The following TRIM37 variants were observed in gnomAD, a reference collection of about 807,000 sequenced individuals.
TRIM37 encodes the protein tripartite motif containing 37, also known as E3 ubiquitin-protein ligase TRIM37.
In TRIM37, 80 loss-of-function variants were observed where a neutral mutation model predicts 129.8. The ratio of observed to expected loss-of-function variants is 0.62; its 90% confidence interval spans 0.51 to 0.74. The LOEUF is 0.74. Ranked by LOEUF, TRIM37 falls within the 30% of genes least tolerant of loss-of-function variation. TRIM37 has a pLI of 0.00. For missense variants in TRIM37, 1,054 were observed against 1,176.5 expected, an observed-to-expected ratio of 0.90 and a Z score of 1.52; for synonymous variants, 389 against 387.1, an observed-to-expected ratio of 1.00 and a Z score of -0.06.
chr17:59,038,519 G>A (rs2038802986), intron 17 of TRIM37, among the ~76,000 whole-genome samples: 2 of 152,064 alleles, frequency 1.3e-5, no homozygotes, highest in African/African-American at 2.4e-5. Context: ...ATAAGAACAG[G>A]GATATCTTGT....
rs2040440673 is a variant in TRIM37, at chr17:59,052,515, C to CAG, written c.1200-1188_1200-1187insCT. Reference sequence around the variant, plus strand: ...AGATATCTAGTTTTAGTGAAGAATACTAATGCAAGAAAGGACAGAACATAA... The same window carrying CAG: ...AGATATCTAGTTTTAGTGAAGAATACAGTAATGCAAGAAAGGACAGAACATAA... On this transcript the variant is annotated intron_variant, in intron 13 of 23. Coordinates refer to ENST00000262294, the MANE Select transcript of TRIM37 (RefSeq NM_015294.6). 2.0e-5 allele frequency among the ~76,000 whole-genome samples: 3 copies of CAG among 152,212 alleles called. No homozygotes were observed. In the South Asian group the frequency reaches 6.2e-4, roughly 32 times the overall value.
intron 17 of TRIM37, among the ~76,000 whole-genome samples, chr17:59,033,496 G>A (rs545905061): frequency 1.3e-5 from 2 of 151,996 alleles, no homozygotes; most frequent in African/African-American, 4.8e-5. Flanking sequence ...GCAGCGGCCC[G>A]ATCTCCACTC....
chr17:59,025,750 C>A (rs1226407271), intron 19 of TRIM37, among the ~76,000 whole-genome samples: 1 of 152,146 alleles, frequency 6.6e-6, no homozygotes, highest in African/African-American at 2.4e-5. Flanking sequence ...CAAGCCTGTG[C>A]TGTTCAAGGG....
At chr17:59,020,139 G>C (rs185114756) in intron 19 of TRIM37, among the ~76,000 whole-genome samples, 1 of 145,232 alleles carries the variant, frequency 6.9e-6, no homozygotes, top group Non-Finnish European at 1.5e-5. Context: ...GCTGAGGTAG[G>C]AGAAGTGCTT....
chr17:59,027,959 A>G (rs551796052), intron 19 of TRIM37, among the ~76,000 whole-genome samples: 1 of 152,242 alleles, frequency 6.6e-6, no homozygotes, highest in Admixed American at 6.5e-5. Context: ...CTAGATCTAT[A>G]AATAGCTGCC....
chr17:58,980,392 T>G (rs1336321142), downstream of TRIM37: 1 of 1,614,020 alleles, frequency 6.2e-7, no homozygotes, highest in East Asian at 2.2e-5. This position sits in a 1 kb window ranked among gnomAD's most constrained non-coding sequence, Gnocchi z 4.7. Context: ...TAGGCTATGA[T>G]GGGCGTGTGG....
rs867376341 is a variant in TRIM37, at chr17:59,101,677, A to T, written c.123+2616T>A. Reference sequence around the variant, plus strand: ...CTACAAAAAAAAAAAAAAAAAAAAAAATATATATATATATATATACACACA... The same window carrying T: ...CTACAAAAAAAAAAAAAAAAAAAAATATATATATATATATATATACACACA... On this transcript the variant is annotated intron_variant, in intron 2 of 23. Transcript: ENST00000262294. Among the ~76,000 whole-genome samples, 501 of 100,748 alleles carry T rather than the reference A, an allele frequency of 5.0e-3. 1 individual carries two copies. The highest frequency in any genetic ancestry group is 0.01 in the South Asian group (32 of 3,068). 66.1% of individuals were successfully genotyped at this position (100,748 alleles called of 152,430 possible). A position where few individuals can be genotyped will look rare whatever the true frequency, so the allele number is the denominator to read the frequency against.
chr17:59,077,873 C>T (rs1164799619), intron 7 of TRIM37, among the ~76,000 whole-genome samples: 2 of 150,266 alleles, frequency 1.3e-5, no homozygotes, highest in Non-Finnish European at 3.0e-5. Context: ...CCTGTTATCC[C>T]AGCACTTCGG....
At position 59,093,398 on chromosome 17, in the gene TRIM37, C is replaced by T. The variant is rs1210779464; in HGVS notation, c.124-2058G>A. Among the ~76,000 whole-genome samples, 5 of 152,218 alleles carry T rather than the reference C, an allele frequency of 3.3e-5. No individual in the cohort carries two copies. The South Asian group carries it at 6.2e-4, about 19-fold the overall frequency. ...AGCAAGGTAATGTCTTTACATGTTT[C>T]CTCTCTCTGCCTAAGATATTCTTCA... On this transcript the variant is annotated intron_variant, in intron 2 of 23. Coordinates refer to ENST00000262294, the MANE Select transcript of TRIM37 (RefSeq NM_015294.6).
intron 8 of TRIM37, among the ~76,000 whole-genome samples, chr17:59,071,573 C>A (rs1226666185): frequency 6.6e-6 from 1 of 152,122 alleles, no homozygotes. Context: ...GCGTGAGCCA[C>A]CGTGCCCGAC....
At chr17:59,100,473 C>T (rs1179330150) in intron 2 of TRIM37, among the ~76,000 whole-genome samples, 5 of 152,112 alleles carry the variant, frequency 3.3e-5, no homozygotes, top group South Asian at 2.1e-4. Flanking sequence ...AAGCCAGATC[C>T]GTAAGAGTAC....
chr17:58,983,605 A>G (rs1458698019), intron 24 of TRIM37: 1 of 152,668 alleles, frequency 6.6e-6, no homozygotes. Flanking sequence ...TGGTGATTGT[A>G]AAAATATTAG....
rs150452198 is a variant in TRIM37 at position 59,041,198 on chromosome 17, T to C, written c.1753+615A>G. 1.8e-3 allele frequency among the ~76,000 whole-genome samples: 280 copies of C among 152,346 alleles called. 3 individuals carry two copies. Among genetic ancestry groups the C allele is most frequent in the African/African-American group, 6.4e-3 (267 of 41,592 alleles). On this transcript the variant is annotated intron_variant, in intron 17 of 23. Coordinates refer to ENST00000262294, the MANE Select transcript of TRIM37 (RefSeq NM_015294.6). ...AGAACACACAAAAAAGTACTCATTA[T>C]ATAAGTCAGTTCTTCCCAGGAGAAG...
intron 19 of TRIM37, among the ~76,000 whole-genome samples, chr17:59,025,421 G>A (rs2037133380): frequency 6.6e-6 from 1 of 151,074 alleles, no homozygotes; most frequent in Admixed American, 6.6e-5. Flanking sequence ...TGTCATGAAT[G>A]TTAATTATAT....
At chr17:59,079,725 G>C (rs889675193) in intron 7 of TRIM37, 29 bp downstream of exon 7, 1 of 1,613,168 alleles carries the variant, frequency 6.2e-7, no homozygotes, top group South Asian at 1.1e-5. Flanking sequence ...AAAGCACCAG[G>C]TACCCCAGCA....
At chr17:59,056,694 C>T (rs1362734767) in intron 13 of TRIM37, among the ~76,000 whole-genome samples, 181 bp downstream of exon 13, 5 of 96,676 alleles carry the variant, frequency 5.2e-5, no homozygotes, top group South Asian at 3.5e-4. Flanking sequence ...CGCGCCAGGG[C>T]GACAGAGCGA....
intron 16 of TRIM37, among the ~76,000 whole-genome samples, chr17:59,045,583 G>A (rs1347537246): frequency 6.7e-6 from 1 of 149,932 alleles, no homozygotes; most frequent in Non-Finnish European, 1.5e-5. Flanking sequence ...AGGTTGCAGT[G>A]AGCCGAGATC....
intron 13 of TRIM37, among the ~76,000 whole-genome samples, chr17:59,055,572 C>T (rs1472262191): frequency 2.6e-5 from 4 of 151,342 alleles, no homozygotes; most frequent in Admixed American, 2.6e-4. Context: ...GTGGCAGGCA[C>T]CTGTAGTCCC....
chr17:59,057,171 G>A (rs2041021532), intron 12 of TRIM37, 117 bp from the exon 13 acceptor site: 13 of 821,974 alleles, frequency 1.6e-5, no homozygotes, highest in East Asian at 7.9e-5. Flanking sequence ...ATTGATATAC[G>A]CAGTTACATT....
Sources: gnomAD v4.1 joint callset for allele counts (sites outside exome capture counted in the v4.1 genomes callset) on GRCh38, gnomAD v4.1.1 for gene constraint, Gnocchi (gnomAD v3.1) non-coding constraint, MANE v1.5 for transcripts, NCBI Gene and HGNC (gene_info 2026-07-23, HGNC 2026-07-21) for gene names.